Variants in CDYL2 observed in about 807,000 individuals in gnomAD.
The protein encoded by CDYL2 is chromodomain Y like 2.
A neutral mutation model predicts 49.4 loss-of-function variants in CDYL2; 23 were observed. That is an observed-to-expected ratio of 0.47 (90% CI 0.34 to 0.66). The LOEUF (loss-of-function observed/expected upper bound fraction) is 0.66. Ranked by LOEUF, CDYL2 falls within the 30% of genes least tolerant of loss-of-function variation. The pLI, the probability that CDYL2 is intolerant of heterozygous loss-of-function variation, is 0.01. For missense variants in CDYL2, 678 were observed against 656.4 expected, an observed-to-expected ratio of 1.03 and a Z score of -0.36; for synonymous variants, 360 against 268.8, an observed-to-expected ratio of 1.34 and a Z score of -3.32.
At chr16:80,634,172 C>T (rs1429395100) in intron 2 of CDYL2, among the ~76,000 whole-genome samples, 1 of 151,308 alleles carries the variant, frequency 6.6e-6, no homozygotes, top group African/African-American at 2.5e-5. Flanking sequence ...TCTTATAAAT[C>T]ATGCTACTAT....
At chr16:80,786,995 C>T (rs1168535508) in intron 1 of CDYL2, among the ~76,000 whole-genome samples, 1 of 151,924 alleles carries the variant, frequency 6.6e-6, no homozygotes, top group Non-Finnish European at 1.5e-5. Context: ...GTGCAGCAAA[C>T]CACCATGGCA....
chr16:80,774,903 T>TAAA lies in CDYL2; in HGVS notation c.24+29244_24+29246dup, dbSNP rs71730368. The stretch of plus-strand genomic sequence containing the variant: ...AAACTGACTGAATTTAGCTAAATAT[T>TAAA]AAAAAAAAAAATGCCTTATCACCAA... On this transcript the variant is annotated intron_variant, in intron 1 of 6. Transcript: ENST00000570137. Among the ~76,000 whole-genome samples the TAAA allele has an allele frequency of 4.1e-5, 6 of 146,742 alleles. 1 individual carries two copies. Among genetic ancestry groups the TAAA allele is most frequent in the South Asian group, 2.1e-4 (1 of 4,686 alleles).
At chr16:80,751,467 T>G (rs1208670455) in intron 1 of CDYL2, among the ~76,000 whole-genome samples, 1 of 152,188 alleles carries the variant, frequency 6.6e-6, no homozygotes, top group Non-Finnish European at 1.5e-5. Context: ...AAGCAGCACG[T>G]GGCAGCTAAG....
intron 1 of CDYL2, among the ~76,000 whole-genome samples, chr16:80,802,343 AGAT>A (rs1907951874): frequency 2.6e-5 from 4 of 152,252 alleles, no homozygotes; most frequent in Admixed American, 2.6e-4. Context: ...GATTCCAACC[AGAT>A]CACTTTCACC....
chr16:80,698,634 T>C (rs1471096262), intron 1 of CDYL2, among the ~76,000 whole-genome samples: 1 of 152,156 alleles, frequency 6.6e-6, no homozygotes, highest in Non-Finnish European at 1.5e-5. Flanking sequence ...CCTCCCTTGG[T>C]ACTGTATAGT....
intron 1 of CDYL2, among the ~76,000 whole-genome samples, chr16:80,776,063 T>C (rs1303548456): frequency 6.6e-6 from 1 of 151,938 alleles, no homozygotes; most frequent in Non-Finnish European, 1.5e-5. Context: ...CAAACAATAA[T>C]ATTAATTTGA....
chr16:80,712,096 T>G (rs930301848), intron 1 of CDYL2, among the ~76,000 whole-genome samples: 4 of 145,920 alleles, frequency 2.7e-5, no homozygotes, highest in African/African-American at 1.0e-4. Context: ...TGTGTATATA[T>G]ATGTGTATAT....
chr16:80,731,256 G>A (rs546015999), intron 1 of CDYL2, among the ~76,000 whole-genome samples: 57 of 151,672 alleles, frequency 3.8e-4, no homozygotes, highest in East Asian at 7.7e-4. Flanking sequence ...AAACATCAGC[G>A]CAAAAGCAGA....
intron 1 of CDYL2, among the ~76,000 whole-genome samples, chr16:80,718,048 G>A (rs1490525025): frequency 1.3e-5 from 2 of 152,188 alleles, no homozygotes; most frequent in African/African-American, 2.4e-5. Context: ...AAACCCAGGA[G>A]GGGCTATTAT....
chr16:80,676,265 T>C (rs962317646), intron 2 of CDYL2, among the ~76,000 whole-genome samples: 2 of 152,220 alleles, frequency 1.3e-5, no homozygotes, highest in East Asian at 3.8e-4. Context: ...CCTCAAGTTT[T>C]TGTTGTTACT....
chr16:80,659,842 CA>C (rs1567559616), intron 2 of CDYL2, among the ~76,000 whole-genome samples: 5 of 151,614 alleles, frequency 3.3e-5, no homozygotes, highest in African/African-American at 1.2e-4. Flanking sequence ...TTGTAGAACT[CA>C]AAAAGAAAAA....
At chr16:80,683,964 C>G (rs941610657) in intron 2 of CDYL2, among the ~76,000 whole-genome samples, 3 of 152,202 alleles carry the variant, frequency 2.0e-5, no homozygotes, top group Admixed American at 2.0e-4. Flanking sequence ...CAGACTAAGA[C>G]AGGACCTAAT....
intron 1 of CDYL2, among the ~76,000 whole-genome samples, chr16:80,721,823 C>T (rs1412164034): frequency 6.6e-6 from 1 of 152,310 alleles, no homozygotes; most frequent in East Asian, 1.9e-4. Context: ...CCATCCTTCT[C>T]CTGGTGCCAT....
chr16:80,732,087 G>A (rs1346992377), intron 1 of CDYL2, among the ~76,000 whole-genome samples: 2 of 152,138 alleles, frequency 1.3e-5, no homozygotes, highest in Admixed American at 6.5e-5. Context: ...GAATTAAATA[G>A]ACAGTCATAA....
In CDYL2 at chr16:80,684,761, G is replaced by A. The variant is rs1216115434; in HGVS notation, c.393C>T (p.Ala131=). ...TAGTCCTGTAAGACACCGTCTTGGT[G>A]GCCCTGTCACCTCCTGAAGAGGGCT... ...SGKPSSGGDR[A]TKTVSYRTTP... is the part of the protein sequence containing the mutation. The change falls in exon 2 of 7, where the codon GCC becomes GCT. Residue 131 remains alanine (A), a synonymous_variant. Transcript: ENST00000570137. The A allele has an allele frequency of 3.7e-6, 6 of 1,614,080 alleles. No homozygotes were observed. The highest frequency in any genetic ancestry group is 3.3e-5 in the South Asian group (3 of 91,080).
intron 1 of CDYL2, among the ~76,000 whole-genome samples, chr16:80,703,332 T>C (rs760919930): frequency 3.3e-5 from 5 of 152,246 alleles, no homozygotes; most frequent in South Asian, 2.1e-4. Flanking sequence ...TCCTTGATTG[T>C]AGAGGCTCTT....
chr16:80,662,326 T>C (rs1263377717), intron 2 of CDYL2, among the ~76,000 whole-genome samples: 9 of 152,172 alleles, frequency 5.9e-5, no homozygotes, highest in Non-Finnish European at 1.2e-4. Context: ...CAGAAGGAAG[T>C]TAGTGAGACC....
intron 1 of CDYL2, among the ~76,000 whole-genome samples, chr16:80,727,655 A>G (rs1247176821): frequency 6.6e-6 from 1 of 152,220 alleles, no homozygotes. Flanking sequence ...GGGCACAGAC[A>G]AAACAAAAAG....
At chr16:80,618,099 C>T (rs1297940520) in intron 4 of CDYL2, among the ~76,000 whole-genome samples, 1 of 152,230 alleles carries the variant, frequency 6.6e-6, no homozygotes, top group Admixed American at 6.5e-5. Flanking sequence ...CATGAACTAG[C>T]AACTTCTGCT....
Sources: gnomAD v4.1 joint callset for allele counts (sites outside exome capture counted in the v4.1 genomes callset) on GRCh38, gnomAD v4.1.1 for gene constraint, MANE v1.5 for transcripts, NCBI Gene and HGNC (gene_info 2026-07-23, HGNC 2026-07-21) for gene names.